The following CDX2 variants were observed in gnomAD, a reference collection of about 807,000 sequenced individuals.
CDX2 encodes the protein caudal type homeobox 2.
Under a neutral mutation model 25.5 loss-of-function variants are expected in CDX2, and 7 were observed. The ratio of observed to expected loss-of-function variants is 0.27; its 90% CI spans 0.16 to 0.52. The LOEUF is 0.52. Among genes scored for constraint, CDX2 ranks in the 20% least tolerant of loss-of-function variants. CDX2 has a pLI of 0.97. For missense variants in CDX2, 375 were observed against 431.4 expected, an observed-to-expected ratio of 0.87 and a Z score of 1.16; for synonymous variants, 222 against 198.6, an observed-to-expected ratio of 1.12 and a Z score of -0.99.
chr13:27,968,438 C>A, intron 1 of CDX2, 28 bp downstream of exon 1: 1 of 1,480,568 alleles, frequency 6.8e-7, no homozygotes, highest in Admixed American at 2.5e-5. Context: ...TCCCAAGCAC[C>A]CTCCGAAGGG....
rs1869481582 is a variant in CDX2 at position 27,968,761 on chromosome 13, G to C, written c.246C>G (p.Pro82=). Reference sequence around the variant, plus strand: ...CGTTGGCGGCGGCCGCGGCGCCTCCGGGCGCGTAGCCATTCCAGTCCTCCC... The same window carrying C: ...CGTTGGCGGCGGCCGCGGCGCCTCCCGGCGCGTAGCCATTCCAGTCCTCCC... ...PLREDWNGYA[P]GGAAAAANAV... is the part of the protein sequence containing the mutation. The change falls in exon 1 of 3, where the codon CCC becomes CCG. Residue 82 remains proline, a synonymous_variant. Coordinates refer to ENST00000381020, the MANE Select transcript of CDX2 (RefSeq NM_001265.6). The C allele has an allele frequency of 2.7e-6, 4 of 1,503,956 alleles. No homozygotes were observed. In the Admixed American group the frequency reaches 6.5e-5, roughly 24 times the overall value. 93.2% of individuals were successfully genotyped at this position (1,503,956 alleles called of 1,614,324 possible). A position where few individuals can be genotyped will look rare whatever the true frequency, so the allele number is the denominator to read the frequency against.
In CDX2 at chr13:27,961,152, C is replaced by T. The variant is rs1169713443; in HGVS notation, c.*1963G>A. Among the ~76,000 whole-genome samples, 1 of 152,236 alleles carries T rather than the reference C, an allele frequency of 6.6e-6. No homozygotes were observed. Among genetic ancestry groups the T allele is most frequent in the Non-Finnish European group, 1.5e-5 (1 of 68,050 alleles). On this transcript the variant is annotated 3_prime_UTR_variant, in exon 3 of 3. Transcript: ENST00000381020. Reference sequence around the variant, plus strand: ...GACCCCACGCCCCGCACTCCTCCCTCTGGCTTCGAGGCCAGGCGCCCGCGG... The same window carrying T: ...GACCCCACGCCCCGCACTCCTCCCTTTGGCTTCGAGGCCAGGCGCCCGCGG...
At chr13:27,967,400 A>C in intron 1 of CDX2, 2 of 513,332 alleles carry the variant, frequency 3.9e-6, no homozygotes, top group Admixed American at 4.6e-5. Context: ...TTGGCTATAA[A>C]CTTCTGCAAA....
At chr13:27,965,129 C>T (rs1005708669) in intron 1 of CDX2, 114 bp from the exon 2 acceptor site, 17 of 1,209,874 alleles carry the variant, frequency 1.4e-5, no homozygotes, top group South Asian at 6.0e-5. Context: ...CCCTGGGGGG[C>T]CCGGGTTTGG....
At chr13:27,963,446 A>T in intron 2 of CDX2, 77 bp from the exon 3 acceptor site, 1 of 1,187,662 alleles carries the variant, frequency 8.4e-7, no homozygotes, top group Non-Finnish European at 1.2e-6. Context: ...CAGCAGTATC[A>T]TCAACATCTT....
chr13:27,967,567 G>A (rs946196073), intron 1 of CDX2, among the ~76,000 whole-genome samples: 2 of 152,188 alleles, frequency 1.3e-5, no homozygotes, highest in Non-Finnish European at 2.9e-5. Context: ...TCGAACACCA[G>A]AAGGGGCAGA....
rs1385579636 is a variant in CDX2, at chr13:27,961,961, GGTCTCA to G, written c.*1148_*1153del. ...TGGGCTCAGGCTTGGGGGCAGGGAA[GGTCTCA>G]GAACCTGCTCTTTCAGGCTTCTGAT... On this transcript the variant is annotated 3_prime_UTR_variant, in exon 3 of 3. Transcript: ENST00000381020. 1.8e-4 allele frequency among the ~76,000 whole-genome samples: 28 copies of G among 152,260 alleles called. No individual in the cohort carries two copies. Among genetic ancestry groups the G allele is most frequent in the African/African-American group, 6.0e-4 (25 of 41,548 alleles).
At chr13:27,965,148 TG>T in intron 1 of CDX2, 133 bp from the exon 2 acceptor site, 1 of 948,724 alleles carries the variant, frequency 1.1e-6, no homozygotes, top group Middle Eastern at 2.9e-4. Context: ...GGCTGGTTCC[TG>T]CCAAGTCTGA....
chr13:27,969,297 C>G lies in CDX2; in HGVS notation c.-291G>C, dbSNP rs969023756. ...ACAGGCTGGCGTGCGGAGCCCCAGG[C>G]CGGCGGCCTTCCGTGATTAACGAGT... On this transcript the variant is annotated 5_prime_UTR_variant, in exon 1 of 3. Transcript: ENST00000381020. 8 of 473,548 alleles carry G rather than the reference C, an allele frequency of 1.7e-5. No individual in the cohort carries two copies. Among genetic ancestry groups the G allele is most frequent in the Non-Finnish European group, 2.6e-5 (7 of 267,324 alleles). The allele number at this position is 473,548 out of a possible 1,614,324, so 29.3% of individuals were successfully genotyped here.
intron 1 of CDX2, among the ~76,000 whole-genome samples, chr13:27,965,452 T>G (rs1331411226): frequency 6.6e-6 from 1 of 152,108 alleles, no homozygotes; most frequent in Non-Finnish European, 1.5e-5. Context: ...GGGCACATGT[T>G]GTAGAGGGGG....
In CDX2 at chr13:27,964,753, G is replaced by C; in HGVS notation, c.687+117C>G. 1.3e-6 allele frequency: 1 copy of C among 755,156 alleles called. No homozygotes were observed. Among genetic ancestry groups the C allele is most frequent in the Non-Finnish European group, 2.1e-6 (1 of 468,750 alleles). 46.8% of individuals were successfully genotyped at this position (755,156 alleles called of 1,614,324 possible). A position where few individuals can be genotyped will look rare whatever the true frequency, so the allele number is the denominator to read the frequency against. On this transcript the variant is annotated intron_variant, in intron 2 of 2. Transcript: ENST00000381020. The surrounding 1 kb of genome is among the most constrained non-coding windows in gnomAD (Gnocchi z 4.7). ...AAAAGGACTCCAAAGACGAATGCTT[G>C]CATCCTCCTGCTTCAGTCTCTCCAC...
At chr13:27,963,841 T>C (rs1869186106) in intron 2 of CDX2, among the ~76,000 whole-genome samples, 1 of 152,170 alleles carries the variant, frequency 6.6e-6, no homozygotes, top group African/African-American at 2.4e-5. Flanking sequence ...TTCTAGACTA[T>C]ATATATAAAA....
chr13:27,964,723 A>G lies in CDX2; in HGVS notation c.687+147T>C. On this transcript the variant is annotated intron_variant, in intron 2 of 2. Coordinates refer to ENST00000381020, the MANE Select transcript of CDX2 (RefSeq NM_001265.6). This position sits in a 1 kb window ranked among gnomAD's most constrained non-coding sequence, Gnocchi z 4.7. The stretch of plus-strand genomic sequence containing the variant: ...CATCTCTGTTTAAAAAAAAAAAAAA[A>G]AAAAAAAAGGACTCCAAAGACGAAT... 1.5e-6 allele frequency: 1 copy of G among 678,728 alleles called. No individual in the cohort carries two copies. The highest frequency in any genetic ancestry group is 2.0e-5 in the South Asian group (1 of 49,864). The allele number at this position is 678,728 out of a possible 1,614,324, so 42.0% of individuals were successfully genotyped here.
At chr13:27,967,488 G>C (rs1869392109) in intron 1 of CDX2, among the ~76,000 whole-genome samples, 1 of 152,212 alleles carries the variant, frequency 6.6e-6, no homozygotes, top group East Asian at 1.9e-4. Context: ...GAGGGCTGGG[G>C]AAAGACTTTA....
intron 1 of CDX2, among the ~76,000 whole-genome samples, chr13:27,965,586 G>A (rs1390779682): frequency 2.0e-5 from 3 of 152,340 alleles, no homozygotes; most frequent in Middle Eastern, 6.8e-3. Context: ...GGCTCTGGCC[G>A]AGGGAACAGG....
At chr13:27,966,411 C>T (rs1869326556) in intron 1 of CDX2, among the ~76,000 whole-genome samples, 1 of 152,234 alleles carries the variant, frequency 6.6e-6, no homozygotes, top group Admixed American at 6.5e-5. Context: ...GCCATTGGTA[C>T]TCGCCCCTTT....
chr13:27,963,269 G>A lies in CDX2; in HGVS notation c.788C>T (p.Pro263Leu), dbSNP rs775098429. 84 of 1,613,682 alleles carry A rather than the reference G, an allele frequency of 5.2e-5. No homozygotes were observed. Among genetic ancestry groups the A allele is most frequent in the South Asian group, 3.1e-4 (28 of 91,070 alleles). Reference sequence around the variant, plus strand: ...CTGAGGCTGGGGAGGCTGTGGTGGCGGCGGAGGCGGCTGTGGTGGCTGCTG... The same window carrying A: ...CTGAGGCTGGGGAGGCTGTGGTGGCAGCGGAGGCGGCTGTGGTGGCTGCTG... ...QQQQPPQPPP[P>L]PPQPPQPQPG... The change falls in exon 3 of 3, where the codon CCG becomes CTG. Residue 263 changes from proline (P) to leucine (L), a missense_variant. Around this residue, in one of 3 missense-constraint regions of CDX2, gnomAD observed 64 missense variants for 124.6 expected, o/e 0.51. Coordinates refer to ENST00000381020, the MANE Select transcript of CDX2 (RefSeq NM_001265.6).
chr13:27,963,376 A>G lies in CDX2; in HGVS notation c.688-7T>C. 3.2e-6 allele frequency: 5 copies of G among 1,558,030 alleles called. No homozygotes were observed. Among genetic ancestry groups the G allele is most frequent in the Non-Finnish European group, 4.4e-6 (5 of 1,148,420 alleles). ...TCTGAAACCAGATTTTAACCTAGAA[A>G]TGGAAAGGTGGAGAAAAGCACATTG... On this transcript the variant is annotated splice_polypyrimidine_tract_variant and splice_region_variant and intron_variant, in intron 2 of 2. Coordinates refer to ENST00000381020, the MANE Select transcript of CDX2 (RefSeq NM_001265.6).
chr13:27,967,563 A>C (rs1869395496), intron 1 of CDX2, among the ~76,000 whole-genome samples: 1 of 152,166 alleles, frequency 6.6e-6, no homozygotes, highest in Admixed American at 6.5e-5. Context: ...ACACTCGAAC[A>C]CCAGAAGGGG....
Sources: gnomAD v4.1 joint callset for allele counts (sites outside exome capture counted in the v4.1 genomes callset) on GRCh38, gnomAD v4.1.1 for gene constraint, gnomAD v4.1.1 regional missense constraint, Gnocchi (gnomAD v3.1) non-coding constraint, MANE v1.5 for transcripts, NCBI Gene and HGNC (gene_info 2026-07-23, HGNC 2026-07-21) for gene names.